The following TAPT1 variants were observed in gnomAD, a reference collection of about 807,000 sequenced individuals.
TAPT1 encodes transmembrane anterior posterior transformation 1, also known as transmembrane anterior posterior transformation protein 1 homolog.
In TAPT1, 28 loss-of-function variants were observed where a neutral mutation model predicts 65.6. That is an observed-to-expected ratio of 0.43 (90% confidence interval 0.32 to 0.59). The LOEUF is 0.59. TAPT1 is among the 20% of genes least tolerant of loss of function. TAPT1 has a pLI of 0.09. For missense variants in TAPT1, 563 were observed against 679.9 expected (o/e 0.83, Z 1.91); for synonymous variants, 278 against 245.2 (o/e 1.13, Z -1.25).
intron 3 of TAPT1, among the ~76,000 whole-genome samples, chr4:16,194,044 TTG>T (rs890701309): frequency 2.0e-5 from 3 of 152,224 alleles, no homozygotes; most frequent in Admixed American, 2.0e-4. Context: ...ATATATCCAA[TTG>T]TGTTTCTTTA....
At chr4:16,226,542 G>T (rs1368936747), upstream of TAPT1, 22 of 890,034 alleles carry the variant, frequency 2.5e-5, no homozygotes, top group African/African-American at 2.4e-4. Flanking sequence ...CCCGCCCCTC[G>T]CCGGAGCCCG....
At chr4:16,226,669 T>C, upstream of TAPT1, 1 of 171,386 alleles carries the variant, frequency 5.8e-6, no homozygotes, top group Non-Finnish European at 1.2e-5. Flanking sequence ...CGCCATCTTC[T>C]TCCTGCCCTC....
intron 1 of TAPT1, among the ~76,000 whole-genome samples, chr4:16,220,048 T>C (rs537877764): frequency 1.2e-3 from 189 of 152,034 alleles, no homozygotes; most frequent in Non-Finnish European, 2.4e-3. Flanking sequence ...TGGAGAAGGC[T>C]GCATTTCCCA....
rs1202994139 is a variant in TAPT1 at position 16,161,778 on chromosome 4, A to G, written c.*1530T>C. The stretch of plus-strand genomic sequence containing the variant: ...ACTTACTTTTTTGTATTTCAAATGA[A>G]CAAGTCAGAACATTAAAGCTTGCTT... On this transcript the variant is annotated 3_prime_UTR_variant, in exon 14 of 14. Transcript: ENST00000405303. The G allele has an allele frequency of 6.6e-6, 1 of 152,244 alleles. No homozygotes were observed. Among genetic ancestry groups the G allele is most frequent in the Non-Finnish European group, 1.5e-5 (1 of 68,044 alleles). The allele number at this position is 152,244 out of a possible 1,614,324, so 9.4% of individuals were successfully genotyped here. A position where few individuals can be genotyped will look rare whatever the true frequency, so the allele number is the denominator to read the frequency against.
chr4:16,200,795 G>C (rs28453363), intron 3 of TAPT1, among the ~76,000 whole-genome samples: 2 of 151,940 alleles, frequency 1.3e-5, no homozygotes, highest in African/African-American at 4.8e-5. Flanking sequence ...AAGCTCCCAG[G>C]AGTGATAAAA....
At chr4:16,201,173 T>A (rs1750006505) in intron 3 of TAPT1, among the ~76,000 whole-genome samples, 1 of 152,168 alleles carries the variant, frequency 6.6e-6, no homozygotes, top group South Asian at 2.1e-4. Flanking sequence ...CAATTTATAC[T>A]GGGAGGAATT....
chr4:16,173,133 T>C (rs1427926238), intron 11 of TAPT1, among the ~76,000 whole-genome samples: 1 of 152,178 alleles, frequency 6.6e-6, no homozygotes, highest in Non-Finnish European at 1.5e-5. Flanking sequence ...TGGTTGCATC[T>C]GTTTTGATGT....
intron 1 of TAPT1, 124 bp downstream of exon 1, chr4:16,226,135 G>C: frequency 9.7e-7 from 1 of 1,027,746 alleles, no homozygotes; most frequent in Non-Finnish European, 1.2e-6. Context: ...CCCACAGCCT[G>C]GGGAGCCCCG....
Position 16,166,683 on chromosome 4 carries a change from G to A in TAPT1, c.1424C>T (p.Thr475Ile). 6.2e-7 allele frequency: 1 copy of A among 1,614,060 alleles called. No individual in the cohort carries two copies. Among genetic ancestry groups the A allele is most frequent in the Non-Finnish European group, 8.5e-7 (1 of 1,179,898 alleles). Residue 475 changes from threonine to isoleucine, a missense_variant, in exon 13 of 14, where the codon ACT becomes ATT. Physicochemically the swap from Thr to Ile is moderately conservative, Grantham distance 89. This residue lies in a region of TAPT1 where 136 missense variants were observed against 153.9 expected (regional missense o/e 0.88). Transcript: ENST00000405303. The stretch of plus-strand genomic sequence containing the variant: ...TGATTTACTGGACGGCTTGCCTGGA[G>A]TGCAGGTTGCGGGAGGATTCGACAG... ...EKLSNPPATC[T>I]PGKPSSKSQN...
chr4:16,174,090 A>G (rs938166365), intron 11 of TAPT1, 114 bp downstream of exon 11: 19 of 879,154 alleles, frequency 2.2e-5, no homozygotes, highest in Non-Finnish European at 3.2e-5. Flanking sequence ...CAAGTTATTT[A>G]CCCTTAATTT....
intron 1 of TAPT1, among the ~76,000 whole-genome samples, chr4:16,219,706 T>C (rs1166635606): frequency 3.9e-5 from 6 of 152,222 alleles, no homozygotes; most frequent in Non-Finnish European, 8.8e-5. Context: ...CTTGCACACA[T>C]TACTTCATAC....
chr4:16,183,100 T>C (rs886161681), intron 7 of TAPT1: 17 of 152,218 alleles, frequency 1.1e-4, no homozygotes, highest in African/African-American at 4.1e-4. Flanking sequence ...GAAGGCAACA[T>C]ATTCATATAA....
chr4:16,226,157 C>A lies in TAPT1; in HGVS notation c.199+102G>T, dbSNP rs535058605. ...CCTGGGGAGCCCCGGGAGGCAACGGCAGCCGCGCGGCTCGGGGGCCGGGGT... is the reference window on the plus strand; with the variant it reads ...CCTGGGGAGCCCCGGGAGGCAACGGAAGCCGCGCGGCTCGGGGGCCGGGGT... On this transcript the variant is annotated intron_variant, in intron 1 of 13. Transcript: ENST00000405303. 1.6e-5 allele frequency: 16 copies of A among 1,017,272 alleles called. 2 individuals carry two copies. In the East Asian group the frequency reaches 6.8e-4, roughly 44 times the overall value. The allele number at this position is 1,017,272 out of a possible 1,614,324, so 63.0% of individuals were successfully genotyped here.
intron 12 of TAPT1, among the ~76,000 whole-genome samples, chr4:16,167,501 T>A (rs946803379): frequency 1.8e-4 from 27 of 152,288 alleles, no homozygotes; most frequent in African/African-American, 6.3e-4. Context: ...TGAGTACACC[T>A]CTATTTGTAC....
chr4:16,204,015 GT>G (rs1429554306), intron 2 of TAPT1, among the ~76,000 whole-genome samples: 1 of 152,174 alleles, frequency 6.6e-6, no homozygotes, highest in Non-Finnish European at 1.5e-5. Flanking sequence ...GAGTCCCAGT[GT>G]TGCATGTTTT....
chr4:16,166,440 C>T (rs969916645), intron 13 of TAPT1, among the ~76,000 whole-genome samples, 193 bp downstream of exon 13: 4 of 152,140 alleles, frequency 2.6e-5, no homozygotes, highest in Non-Finnish European at 2.9e-5. Context: ...TGTTGAACAG[C>T]GAATGAGTAA....
At chr4:16,220,170 T>G (rs766211187) in intron 1 of TAPT1, among the ~76,000 whole-genome samples, 2 of 152,262 alleles carry the variant, frequency 1.3e-5, no homozygotes, top group Non-Finnish European at 2.9e-5. Flanking sequence ...TGAACTTATC[T>G]GTCCTATAAT....
At chr4:16,208,511 GCC>G (rs1750468763) in intron 2 of TAPT1, among the ~76,000 whole-genome samples, 1 of 152,160 alleles carries the variant, frequency 6.6e-6, no homozygotes, top group Non-Finnish European at 1.5e-5. Context: ...AAGTGGCAAT[GCC>G]CACCCCATTT....
In TAPT1 at chr4:16,226,071, C is replaced by T. The variant is rs1437186903; in HGVS notation, c.199+188G>A. On this transcript the variant is annotated intron_variant, in intron 1 of 13. Transcript: ENST00000405303. ...GCCTCGGGGCTGCGCGCGCAACCCG[C>T]CCGAGGAACTGTCAACGGCCGCGGA... The T allele has an allele frequency of 1.8e-5, 18 of 1,020,356 alleles. No individual in the cohort carries two copies. The South Asian group carries it at 3.7e-4, about 21-fold the overall frequency. The allele number at this position is 1,020,356 out of a possible 1,614,324, so 63.2% of individuals were successfully genotyped here. A position where few individuals can be genotyped will look rare whatever the true frequency, so the allele number is the denominator to read the frequency against.
Sources: allele counts gnomAD v4.1 joint callset (sites outside exome capture counted in the v4.1 genomes callset), GRCh38; gene constraint gnomAD v4.1.1; regional missense constraint gnomAD v4.1.1; transcripts MANE v1.5; gene names NCBI Gene and HGNC (gene_info 2026-07-23, HGNC 2026-07-21).